Variants in NCOR2 observed in about 807,000 individuals in gnomAD.
NCOR2 encodes nuclear receptor corepressor 2, also known as CTG repeat protein 26.
A neutral mutation model predicts 262.9 loss-of-function variants in NCOR2; 81 were observed. That is an observed-to-expected ratio of 0.31 (90% CI 0.26 to 0.37). NCOR2 has a LOEUF of 0.37. NCOR2 is among the 10% of genes least tolerant of loss of function. NCOR2 has a pLI of 1.00. For missense variants in NCOR2, 3,385 were observed against 3,621.4 expected, an observed-to-expected ratio of 0.93 and a Z score of 1.68; for synonymous variants, 1,659 against 1,559.3, an observed-to-expected ratio of 1.06 and a Z score of -1.51.
At chr12:124,376,739 G>C (rs560989024) in intron 18 of NCOR2, among the ~76,000 whole-genome samples, 1 of 152,338 alleles carries the variant, frequency 6.6e-6, no homozygotes, top group African/African-American at 2.4e-5. Flanking sequence ...CTGGGCTTAT[G>C]GAACCAGGAG....
rs764323897 is a variant in NCOR2 at position 124,343,109 on chromosome 12, T to C, written c.4832A>G (p.Tyr1611Cys). The C allele has an allele frequency of 4.3e-6, 7 of 1,612,246 alleles. No individual in the cohort carries two copies. The Admixed American group carries it at 5.0e-5, about 12-fold the overall frequency. The change falls in exon 33 of 47, where the codon TAT becomes TGT. Residue 1611 changes from tyrosine (Y) to cysteine (C), a missense_variant. By Grantham distance (194) the Tyr-to-Cys change is radical. Coordinates refer to ENST00000405201, the Ensembl canonical transcript of NCOR2. ...ACTCACGCCCCGAAGCAGGTGCTCA[T>C]AGGGCGAGATGGGGTGTGGGTGGTG... is the stretch of plus-strand genomic sequence containing the variant.
intron 4 of NCOR2, among the ~76,000 whole-genome samples, chr12:124,470,199 G>A (rs1010873277): frequency 5.3e-5 from 8 of 151,650 alleles, no homozygotes; most frequent in South Asian, 2.1e-4. Flanking sequence ...GGGGGCGGTC[G>A]GTGAGGATGT....
intron 1 of NCOR2, among the ~76,000 whole-genome samples, chr12:124,492,053 T>C (rs1025640340): frequency 2.0e-5 from 3 of 152,160 alleles, no homozygotes; most frequent in African/African-American, 7.2e-5. Context: ...AGCCTCCCAT[T>C]TGTGCTGGGA....
At chr12:124,486,710 C>A (rs936772257) in intron 1 of NCOR2, 142 bp from the exon 4 acceptor site, 33 of 1,094,634 alleles carry the variant, frequency 3.0e-5, no homozygotes, top group Non-Finnish European at 4.0e-5. Context: ...CTGCAGGGAA[C>A]CTCAGGGACC....
chr12:124,428,282 G>A (rs897680230), intron 10 of NCOR2, among the ~76,000 whole-genome samples: 7 of 152,224 alleles, frequency 4.6e-5, no homozygotes, highest in Non-Finnish European at 7.3e-5. Context: ...TTCGAGGGCC[G>A]GGCCCTGTGG....
At chr12:124,381,961 C>T (rs147103931) in intron 17 of NCOR2, among the ~76,000 whole-genome samples, 3 of 152,344 alleles carry the variant, frequency 2.0e-5, no homozygotes, top group East Asian at 1.9e-4. Context: ...TTCCTGCTGA[C>T]GTCGCCTGCG....
intron 16 of NCOR2, among the ~76,000 whole-genome samples, chr12:124,396,887 A>C (rs1446278265): frequency 6.6e-6 from 1 of 152,204 alleles, no homozygotes; most frequent in African/African-American, 2.4e-5. Flanking sequence ...TTTGCTATAA[A>C]GGGCCTTTGT....
At chr12:124,509,859 A>AC (rs537571945) in intron 1 of NCOR2, among the ~76,000 whole-genome samples, 2 of 150,504 alleles carry the variant, frequency 1.3e-5, no homozygotes, top group South Asian at 4.3e-4. Context: ...AGGCAGACAC[A>AC]CCCCCCGACG....
intron 22 of NCOR2, among the ~76,000 whole-genome samples, chr12:124,358,513 G>A (rs2038201443): frequency 6.6e-6 from 1 of 152,220 alleles, no homozygotes; most frequent in East Asian, 1.9e-4. Flanking sequence ...AGTTTGCTGA[G>A]TGGTACTCAG....
intron 19 of NCOR2, among the ~76,000 whole-genome samples, chr12:124,374,003 A>G (rs1010617936): frequency 3.9e-5 from 6 of 152,062 alleles, no homozygotes; most frequent in African/African-American, 1.4e-4. Context: ...GAAAGCACGC[A>G]CCCAAGGATG....
chr12:124,474,542 A>T (rs770820726), intron 3 of NCOR2, among the ~76,000 whole-genome samples: 3 of 152,174 alleles, frequency 2.0e-5, no homozygotes, highest in Non-Finnish European at 2.9e-5. Flanking sequence ...TAAGGAGGTT[A>T]GAAAAAACAA....
chr12:124,392,109 G>A (rs570398339), intron 16 of NCOR2, among the ~76,000 whole-genome samples: 1 of 152,346 alleles, frequency 6.6e-6, no homozygotes, highest in South Asian at 2.1e-4. Context: ...CGTGACGACA[G>A]GCATCATTAC....
intron 1 of NCOR2, among the ~76,000 whole-genome samples, chr12:124,532,693 A>G (rs937956887): frequency 2.2e-4 from 34 of 152,182 alleles, no homozygotes; most frequent in African/African-American, 8.2e-4. Context: ...AAGGCTCCCC[A>G]TTAGGCCGGA....
In NCOR2 at chr12:124,474,898, G is replaced by A. The variant is rs184268991; in HGVS notation, c.412-1767C>T. On this transcript the variant is annotated intron_variant, in intron 3 of 46. Transcript: ENST00000405201. ...CCACCACCTCCCCGCCCCCGCAGCA[G>A]CTGCACCCAGAGGACACAGGGTGCA... is the stretch of plus-strand genomic sequence containing the variant. Among the ~76,000 whole-genome samples the A allele has an allele frequency of 2.0e-5, 3 of 152,246 alleles. No homozygotes were observed. The East Asian group carries it at 5.8e-4, about 29-fold the overall frequency.
chr12:124,437,944 C>A, exon 8 of NCOR2: 3 of 1,612,270 alleles, frequency 1.9e-6, no homozygotes, highest in South Asian at 1.1e-5. Context: ...TGTTTCCGAG[C>A]GTGATTCCTC....
At chr12:124,499,404 C>T (rs375552767), upstream of NCOR2, among the ~76,000 whole-genome samples, 1 of 152,236 alleles carries the variant, frequency 6.6e-6, no homozygotes, top group African/African-American at 2.4e-5. Context: ...GTGAACCCAG[C>T]GGGGTCCAGG....
chr12:124,398,721 C>T (rs945035570), intron 15 of NCOR2, among the ~76,000 whole-genome samples: 1 of 152,248 alleles, frequency 6.6e-6, no homozygotes, highest in Non-Finnish European at 1.5e-5. Context: ...CTCCAGCAAC[C>T]CTACTCCAAT....
chr12:124,543,295 G>C (rs2051434347), intron 1 of NCOR2, among the ~76,000 whole-genome samples: 1 of 152,240 alleles, frequency 6.6e-6, no homozygotes, highest in African/African-American at 2.4e-5. Context: ...AAGGAAGGCT[G>C]CACTGACACC....
In NCOR2 at chr12:124,558,110, C is replaced by A. The variant is rs373342503; in HGVS notation, c.-165+9198G>T. 1.3e-3 allele frequency among the ~76,000 whole-genome samples: 197 copies of A among 152,254 alleles called. 1 individual carries two copies. Among genetic ancestry groups the A allele is most frequent in the African/African-American group, 4.6e-3 (191 of 41,560 alleles). ...CTATAGCCACACTGGGGCCCATGCTCCCTGATGGTCTCAGCAGGTACCGCA... is the reference window on the plus strand; with the variant it reads ...CTATAGCCACACTGGGGCCCATGCTACCTGATGGTCTCAGCAGGTACCGCA... On this transcript the variant is annotated intron_variant, in intron 1 of 32. Transcript: ENST00000458234.
Sources: gnomAD v4.1 joint callset for allele counts (sites outside exome capture counted in the v4.1 genomes callset) on GRCh38, gnomAD v4.1.1 for gene constraint, MANE v1.5 for transcripts, NCBI Gene and HGNC (gene_info 2026-07-23, HGNC 2026-07-21) for gene names.